The following FRYL variants were observed in gnomAD, a reference collection of about 807,000 sequenced individuals.
The protein encoded by FRYL is FRY like transcription coactivator, also known as protein furry homolog-like.
FRYL carries 150 observed loss-of-function variants against 351.2 expected under a neutral mutation model. That is an observed-to-expected ratio of 0.43 (90% CI 0.37 to 0.49). FRYL has a LOEUF of 0.49. Among genes scored for constraint, FRYL ranks in the 20% least tolerant of loss-of-function variants. The probability of loss-of-function intolerance (pLI) is 0.00; values close to 1 mark genes in which losing one functional copy is unlikely to be tolerated. For missense variants in FRYL, 3,036 were observed against 3,619.3 expected (o/e 0.84, Z 4.13); for synonymous variants, 1,153 against 1,257.1 (o/e 0.92, Z 1.75).
chr4:48,728,488 C>G (rs1247755158), intron 1 of FRYL, among the ~76,000 whole-genome samples: 2 of 151,720 alleles, frequency 1.3e-5, no homozygotes, highest in Non-Finnish European at 2.9e-5. Flanking sequence ...AGAATTTCCC[C>G]CAAATTAATG....
At chr4:48,760,853 T>A (rs886340400) in intron 1 of FRYL, among the ~76,000 whole-genome samples, 2 of 152,054 alleles carry the variant, frequency 1.3e-5, no homozygotes, top group African/African-American at 2.4e-5. Context: ...ATTTTTTTAT[T>A]TTTAGTAAAG....
Position 48,731,478 on chromosome 4 carries a change from C to T in FRYL, c.-383-20780G>A, listed in dbSNP as rs548634149. On this transcript the variant is annotated intron_variant, in intron 1 of 63. Transcript: ENST00000358350. ...CCAAAAAGAGCCTGCATAGCCAAGACAATCCTGGGCAAGAAGAACAAAGCT... is the reference window on the plus strand; with the variant it reads ...CCAAAAAGAGCCTGCATAGCCAAGATAATCCTGGGCAAGAAGAACAAAGCT... Among the ~76,000 whole-genome samples the T allele has an allele frequency of 3.9e-5, 6 of 152,314 alleles. No homozygotes were observed. In the East Asian group the frequency reaches 5.8e-4, roughly 15 times the overall value.
intron 37 of FRYL, among the ~76,000 whole-genome samples, chr4:48,551,244 T>A (rs1732681266): frequency 6.6e-6 from 1 of 152,154 alleles, no homozygotes; most frequent in Non-Finnish European, 1.5e-5. Flanking sequence ...TCTAAAACTT[T>A]AAGCAATACA....
rs568295988 is a variant in FRYL, at chr4:48,519,983, G to A, written c.7689+1065C>T. ...CCTGACCTCATGATCTGCCCACCTCGGCCTCCCAAAGTGCTGGGATTACAG... is the reference window on the plus strand; with the variant it reads ...CCTGACCTCATGATCTGCCCACCTCAGCCTCCCAAAGTGCTGGGATTACAG... On this transcript the variant is annotated intron_variant, in intron 55 of 63. Transcript: ENST00000358350. Among the ~76,000 whole-genome samples, 8 of 152,192 alleles carry A rather than the reference G, an allele frequency of 5.3e-5. No homozygotes were observed. In the East Asian group the frequency reaches 1.2e-3, roughly 22 times the overall value.
chr4:48,525,995 GTA>G (rs534712089), intron 53 of FRYL, among the ~76,000 whole-genome samples: 29 of 151,978 alleles, frequency 1.9e-4, no homozygotes, highest in Non-Finnish European at 3.4e-4. Flanking sequence ...ATATGTGTAT[GTA>G]TATGAGAGCT....
intron 3 of FRYL, among the ~76,000 whole-genome samples, chr4:48,673,614 TAATGC>T (rs1763069700): frequency 6.6e-6 from 1 of 152,098 alleles, no homozygotes; most frequent in Admixed American, 6.5e-5. Flanking sequence ...CATCAAACAA[TAATGC>T]AATGCAATAG....
intron 33 of FRYL, among the ~76,000 whole-genome samples, chr4:48,559,004 T>A (rs1465570386): frequency 6.6e-6 from 1 of 152,092 alleles, no homozygotes; most frequent in African/African-American, 2.4e-5. Flanking sequence ...CAACCCTGGG[T>A]TTGAATCCCA....
chr4:48,610,055 A>C (rs1466485117), intron 7 of FRYL, among the ~76,000 whole-genome samples: 1 of 152,178 alleles, frequency 6.6e-6, no homozygotes, highest in Non-Finnish European at 1.5e-5. Context: ...AAATCACTGA[A>C]CTATGGACTA....
At chr4:48,646,020 A>C (rs1212509360) in intron 3 of FRYL, 1 of 152,226 alleles carries the variant, frequency 6.6e-6, no homozygotes, top group Non-Finnish European at 1.5e-5. Context: ...TAGTCTCCCT[A>C]TAATAAAATT....
chr4:48,762,695 A>G (rs1441205236), intron 1 of FRYL, among the ~76,000 whole-genome samples: 1 of 152,202 alleles, frequency 6.6e-6, no homozygotes, highest in African/African-American at 2.4e-5. Context: ...ACATGAACAC[A>G]CACTAAAATT....
chr4:48,598,426 T>C (rs991396174), intron 13 of FRYL, among the ~76,000 whole-genome samples: 6 of 152,170 alleles, frequency 3.9e-5, no homozygotes, highest in African/African-American at 1.4e-4. Flanking sequence ...TATATACATC[T>C]ACTATGTACC....
At chr4:48,614,445 G>T (rs1404561501) in intron 7 of FRYL, among the ~76,000 whole-genome samples, 1 of 152,012 alleles carries the variant, frequency 6.6e-6, no homozygotes, top group African/African-American at 2.4e-5. Context: ...TAACTGGCTG[G>T]GTGCAATGGC....
At position 48,497,862 on chromosome 4, in the gene FRYL, G is replaced by C. The variant is rs924155085; in HGVS notation, c.*1560C>G. On this transcript the variant is annotated 3_prime_UTR_variant, in exon 64 of 64. Coordinates refer to ENST00000358350, the MANE Select transcript of FRYL (RefSeq NM_015030.2). ...GGTCAGCAGTCCAATGGTGTGCACA[G>C]TGCCTTCAATTAATGCACTTGAGCA... The C allele has an allele frequency of 2.0e-5, 3 of 152,596 alleles. No homozygotes were observed. Among genetic ancestry groups the C allele is most frequent in the African/African-American group, 4.8e-5 (2 of 41,430 alleles). The allele number at this position is 152,596 out of a possible 1,614,324, so 9.5% of individuals were successfully genotyped here.
In FRYL at chr4:48,546,131, C is replaced by G; in HGVS notation, c.5215G>C (p.Glu1739Gln). 6.2e-7 allele frequency: 1 copy of G among 1,613,688 alleles called. No homozygotes were observed. Among genetic ancestry groups the G allele is most frequent in the Middle Eastern group, 1.6e-4 (1 of 6,062 alleles). ...ISHLHTTILNEVDISVEQDGK... is the reference protein window; with the variant it reads ...ISHLHTTILNQVDISVEQDGK... The stretch of plus-strand genomic sequence containing the variant: ...TCCTGCTCCACTGAGATGTCAACCT[C>G]ATTGAGGATAGTGGTGTGCAGATGT... The change falls in exon 42 of 64, where the codon GAG becomes CAG. Residue 1739 changes from glutamate (E) to glutamine (Q), a missense_variant. By Grantham distance (29) the Glu-to-Gln change is conservative. Transcript: ENST00000358350.
rs992502893 is a variant in FRYL, at chr4:48,497,566, C to CA, written c.*1855dup. On this transcript the variant is annotated 3_prime_UTR_variant, in exon 64 of 64. Transcript: ENST00000358350. ...TTCTTTGTTAAAATACAACACAAAC[C>CA]AACAGCTACAATGCTTTTTATTTTT... 2 of 152,438 alleles carry CA rather than the reference C, an allele frequency of 1.3e-5. No homozygotes were observed. Among genetic ancestry groups the CA allele is most frequent in the Non-Finnish European group, 2.9e-5 (2 of 68,004 alleles). 9.4% of individuals were successfully genotyped at this position (152,438 alleles called of 1,614,324 possible).
intron 35 of FRYL, among the ~76,000 whole-genome samples, chr4:48,556,402 C>T (rs563669092): frequency 6.6e-6 from 1 of 152,322 alleles, no homozygotes; most frequent in South Asian, 2.1e-4. Flanking sequence ...CCCTGGAAGG[C>T]AAAGATGTTA....
intron 1 of FRYL, among the ~76,000 whole-genome samples, chr4:48,778,354 C>G (rs778605091): frequency 2.8e-4 from 42 of 149,868 alleles, no homozygotes; most frequent in Admixed American, 1.9e-3. Flanking sequence ...AAAACTGGGT[C>G]ACATGTTCCA....
chr4:48,534,643 G>A lies in FRYL; in HGVS notation c.6607C>T (p.Gln2203Ter). The A allele has an allele frequency of 1.3e-6, 2 of 1,588,134 alleles. No homozygotes were observed. Among genetic ancestry groups the A allele is most frequent in the Non-Finnish European group, 1.7e-6 (2 of 1,156,806 alleles). ...GLSSMQQSLLQIIYSLLSHID... is the reference protein window; with the variant it reads ...GLSSMQQSLL The stretch of plus-strand genomic sequence containing the variant: ...TGACTCAATAGACTATAAATAATCT[G>A]TAGTAATGATTGCTGCATACTGGAC... Residue 2203 changes from glutamine to a stop codon, truncating the protein, a stop_gained, in exon 49 of 64, where the codon CAG becomes TAG. Coordinates refer to ENST00000358350, the MANE Select transcript of FRYL (RefSeq NM_015030.2). LOFTEE classifies it high-confidence loss of function.
intron 59 of FRYL, 41 bp from the exon 60 acceptor site, chr4:48,505,656 A>G: frequency 7.7e-7 from 1 of 1,290,728 alleles, no homozygotes; most frequent in South Asian, 1.2e-5. Flanking sequence ...GCACAGTAAA[A>G]TGGGTAGTGT....
Sources: allele counts gnomAD v4.1 joint callset (sites outside exome capture counted in the v4.1 genomes callset), GRCh38; gene constraint gnomAD v4.1.1; transcripts MANE v1.5; gene names NCBI Gene and HGNC (gene_info 2026-07-23, HGNC 2026-07-21).